The following GPC5 variants were observed in gnomAD, a reference collection of about 807,000 sequenced individuals.
The protein encoded by GPC5 is glypican-5.
GPC5 carries 47 observed loss-of-function variants against 53.9 expected under a neutral mutation model. That is an observed-to-expected ratio of 0.87 (90% CI 0.69 to 1.11). The LOEUF is 1.11. GPC5 is among the 50% of genes most tolerant of loss of function. GPC5 has a pLI of 0.00. For synonymous variants in GPC5, 286 were observed against 263.3 expected (o/e 1.09, Z -0.84); for missense variants, 748 against 713.1 (o/e 1.05, Z -0.56).
chr13:91,599,719 G>A (rs902925313), intron 2 of GPC5, among the ~76,000 whole-genome samples: 1 of 152,040 alleles, frequency 6.6e-6, no homozygotes, highest in Non-Finnish European at 1.5e-5. Flanking sequence ...TTTCAGGGTG[G>A]GATTGGCAGA....
At chr13:92,066,612 C>A (rs2041169861) in intron 6 of GPC5, among the ~76,000 whole-genome samples, 1 of 151,982 alleles carries the variant, frequency 6.6e-6, no homozygotes, top group Non-Finnish European at 1.5e-5. Flanking sequence ...GCAAATAAAT[C>A]CTGGTAGACG....
intron 5 of GPC5, among the ~76,000 whole-genome samples, chr13:91,892,880 T>C (rs757900125): frequency 7.9e-5 from 12 of 151,990 alleles, no homozygotes; most frequent in Non-Finnish European, 1.6e-4. Context: ...CAAACATTTA[T>C]CTTTTTTATA....
chr13:91,419,875 C>T (rs1878489228), intron 1 of GPC5, among the ~76,000 whole-genome samples: 1 of 152,214 alleles, frequency 6.6e-6, no homozygotes, highest in South Asian at 2.1e-4. Context: ...GGTAAATAAA[C>T]CTGGAATTTT....
In GPC5 at chr13:92,755,608, G is replaced by A. The variant is rs1404680452; in HGVS notation, c.1562-110674G>A. Among the ~76,000 whole-genome samples the A allele has an allele frequency of 2.7e-5, 4 of 146,936 alleles. 1 individual carries two copies. The South Asian group carries it at 6.6e-4, about 24-fold the overall frequency. On this transcript the variant is annotated intron_variant, in intron 7 of 7. Transcript: ENST00000377067. The stretch of plus-strand genomic sequence containing the variant: ...CAAGACTAATAAAGAAAAAAAGAGA[G>A]AAGAATCAAATAGACACAATAAAAA...
At chr13:92,086,811 A>G (rs2041339447) in intron 6 of GPC5, among the ~76,000 whole-genome samples, 1 of 152,168 alleles carries the variant, frequency 6.6e-6, no homozygotes. Flanking sequence ...GGCACCTGCC[A>G]ACATGCCTGG....
chr13:91,430,111 A>C (rs1232667994), intron 1 of GPC5, among the ~76,000 whole-genome samples: 1 of 152,206 alleles, frequency 6.6e-6, no homozygotes, highest in Non-Finnish European at 1.5e-5. Flanking sequence ...TCAAGAGTTG[A>C]ACAGCCCAGG....
chr13:92,342,207 G>C (rs970084949), intron 7 of GPC5, among the ~76,000 whole-genome samples: 1 of 151,988 alleles, frequency 6.6e-6, no homozygotes, highest in Admixed American at 6.6e-5. Flanking sequence ...GCCTGCTTTC[G>C]GTCATGGTGC....
chr13:92,282,102 A>G (rs1018473770), intron 7 of GPC5, among the ~76,000 whole-genome samples: 11 of 152,368 alleles, frequency 7.2e-5, no homozygotes, highest in Middle Eastern at 3.4e-3. Flanking sequence ...TGACGAATGC[A>G]CAAGCTTCAG....
chr13:92,313,518 A>G (rs2139213323), intron 7 of GPC5, among the ~76,000 whole-genome samples: 1 of 152,338 alleles, frequency 6.6e-6, no homozygotes, highest in East Asian at 1.9e-4. Flanking sequence ...TGTATCCAAA[A>G]TCTACTGTTT....
At position 92,730,673 on chromosome 13, in the gene GPC5, A is replaced by G. The variant is rs1383558454; in HGVS notation, c.1562-135609A>G. Among the ~76,000 whole-genome samples the G allele has an allele frequency of 3.3e-5, 5 of 150,886 alleles. No individual in the cohort carries two copies. The South Asian group carries it at 8.3e-4, about 25-fold the overall frequency. The stretch of plus-strand genomic sequence containing the variant: ...TTGAAAAACAATCTTTTCTCCATTT[A>G]CTTGCCTTACTGTTTCTCTGGAGAG... On this transcript the variant is annotated intron_variant, in intron 7 of 7. Coordinates refer to ENST00000377067, the MANE Select transcript of GPC5 (RefSeq NM_004466.6).
intron 3 of GPC5, among the ~76,000 whole-genome samples, chr13:91,710,931 G>A (rs1393491812): frequency 6.6e-6 from 1 of 152,194 alleles, no homozygotes; most frequent in Non-Finnish European, 1.5e-5. Context: ...GGAAATGTGG[G>A]TGGTTTCCAC....
chr13:91,627,619 G>A (rs902573174), intron 2 of GPC5, among the ~76,000 whole-genome samples: 13 of 151,926 alleles, frequency 8.6e-5, no homozygotes, highest in South Asian at 4.2e-4. Context: ...TTTGATTCTT[G>A]TCCTTGGCCT....
chr13:92,153,304 T>G (rs972374962), intron 7 of GPC5, among the ~76,000 whole-genome samples: 20 of 151,926 alleles, frequency 1.3e-4, no homozygotes, highest in African/African-American at 4.8e-4. Flanking sequence ...AATTTTTGGG[T>G]TTTTTGTACT....
intron 7 of GPC5, among the ~76,000 whole-genome samples, chr13:92,770,217 C>G (rs1015496123): frequency 6.6e-6 from 1 of 152,042 alleles, no homozygotes; most frequent in African/African-American, 2.4e-5. Flanking sequence ...AGTTCAAGAC[C>G]AGCCTGGGCA....
intron 6 of GPC5, among the ~76,000 whole-genome samples, chr13:92,080,688 G>C (rs2041287989): frequency 6.6e-6 from 1 of 152,106 alleles, no homozygotes. Flanking sequence ...TCATCTCATA[G>C]AATAATGTTC....
chr13:92,252,827 G>A (rs115086149), intron 7 of GPC5, among the ~76,000 whole-genome samples: 256 of 152,210 alleles, frequency 1.7e-3, no homozygotes, highest in African/African-American at 5.8e-3. Flanking sequence ...AATTACAAAT[G>A]TCATTTTCTC....
intron 7 of GPC5, among the ~76,000 whole-genome samples, chr13:92,372,265 G>A (rs1476175627): frequency 6.6e-6 from 1 of 152,132 alleles, no homozygotes; most frequent in Admixed American, 6.5e-5. Flanking sequence ...GTAGAATACT[G>A]TTACAGTGGC....
At chr13:91,820,402 C>T (rs2038472973) in intron 5 of GPC5, among the ~76,000 whole-genome samples, 1 of 152,086 alleles carries the variant, frequency 6.6e-6, no homozygotes, top group Non-Finnish European at 1.5e-5. Context: ...TACACAGGGC[C>T]ATGCAAGTCC....
intron 7 of GPC5, among the ~76,000 whole-genome samples, chr13:92,481,493 G>C (rs564645948): frequency 6.6e-6 from 1 of 152,270 alleles, no homozygotes; most frequent in Admixed American, 6.5e-5. Flanking sequence ...GGGGAAAAGA[G>C]TTGGGCCAGT....
Sources: allele counts gnomAD v4.1 joint callset (sites outside exome capture counted in the v4.1 genomes callset), GRCh38; gene constraint gnomAD v4.1.1; transcripts MANE v1.5; gene names NCBI Gene and HGNC (gene_info 2026-07-23, HGNC 2026-07-21).